PNMA2: variants seen among roughly 807,000 people sequenced by gnomAD.
PNMA2 encodes the protein paraneoplastic antigen Ma2.
For missense variants in PNMA2, 455 were observed against 452.9 expected (o/e 1.00, Z -0.04); for synonymous variants, 175 against 183.5 (o/e 0.95, Z 0.38).
rs911135653 is a variant in PNMA2 at position 26,509,470 on chromosome 8, A to C, written c.-489+78T>G. ...CATATGCTCATCAGACCTGTTGATTAATGTCTGAGCCCCAGTTAAGGACAG... is the reference window on the plus strand; with the variant it reads ...CATATGCTCATCAGACCTGTTGATTCATGTCTGAGCCCCAGTTAAGGACAG... On this transcript the variant is annotated intron_variant, in intron 2 of 2. Coordinates refer to ENST00000522362, the MANE Select transcript of PNMA2 (RefSeq NM_007257.6). The surrounding 1 kb of genome is among the most constrained non-coding windows in gnomAD (Gnocchi z 5.7). 2 of 152,200 alleles carry C rather than the reference A, an allele frequency of 1.3e-5. No individual in the cohort carries two copies. Among genetic ancestry groups the C allele is most frequent in the African/African-American group, 4.8e-5 (2 of 41,440 alleles). The allele number at this position is 152,200 out of a possible 1,614,324, so 9.4% of individuals were successfully genotyped here. A position where few individuals can be genotyped will look rare whatever the true frequency, so the allele number is the denominator to read the frequency against.
Position 26,507,675 on chromosome 8 carries a change from CAT to C in PNMA2, c.1079_1080del (p.His360ArgfsTer18). 6.4e-7 allele frequency: 1 copy of C among 1,555,790 alleles called. No individual in the cohort carries two copies. The highest frequency in any genetic ancestry group is 8.7e-7 in the Non-Finnish European group (1 of 1,153,410). Reference sequence around the variant, plus strand: ...CCAGGTGGTTTTCAGTCGTCTCCCTCATGATTCCAGCGGCCATAGCCATCTCG... The same window carrying C: ...CCAGGTGGTTTTCAGTCGTCTCCCTCGATTCCAGCGGCCATAGCCATCTCG... Reference protein sequence around the residue: ...EERDGYGRWNHEGDD With the variant: ...EERDGYGRWNXEGDD On this transcript the variant is annotated frameshift_variant, in exon 3 of 3. Transcript: ENST00000522362. LOFTEE classifies it high-confidence loss of function.
chr8:26,508,660 C>T lies in PNMA2; in HGVS notation c.96G>A (p.Glu32=). Residue 32 remains glutamate, a synonymous_variant, in exon 3 of 3, where the codon GAG becomes GAA. Transcript: ENST00000522362. The surrounding 1 kb of genome is among the most constrained non-coding windows in gnomAD (Gnocchi z 5.5). The part of the protein sequence containing the change: ...MVTGIPADFE[E]AEIQEVLQET... ...CCTGAAGGACCTCCTGAATCTCAGC[C>T]TCCTCAAAGTCCGCCGGTATCCCCG... The T allele has an allele frequency of 3.7e-6, 6 of 1,614,192 alleles. No homozygotes were observed. The highest frequency in any genetic ancestry group is 1.7e-5 in the Admixed American group (1 of 60,030).
In PNMA2 at chr8:26,505,354, G is replaced by A. The variant is rs1808029712; in HGVS notation, c.*2307C>T. 2 of 166,920 alleles carry A rather than the reference G, an allele frequency of 1.2e-5. No individual in the cohort carries two copies. The highest frequency in any genetic ancestry group is 1.3e-4 in the South Asian group (1 of 7,762). 10.3% of individuals were successfully genotyped at this position (166,920 alleles called of 1,614,324 possible). ...AAGCTAAGCAATTTGCTTACAGTAT[G>A]CACAAATCTACCACAAGACTACACA... On this transcript the variant is annotated 3_prime_UTR_variant, in exon 3 of 3. Coordinates refer to ENST00000522362, the MANE Select transcript of PNMA2 (RefSeq NM_007257.6).
intron 1 of PNMA2, among the ~76,000 whole-genome samples, chr8:26,511,142 ACT>A (rs1351718576): frequency 8.6e-6 from 1 of 116,908 alleles, no homozygotes; most frequent in Non-Finnish European, 1.7e-5. Context: ...ACAGAGCAAG[ACT>A]CTGTCTCAAA....
chr8:26,506,017 A>T lies in PNMA2; in HGVS notation c.*1644T>A, dbSNP rs1808040792. ...AATAATACTAATAATAATTAAAAAAATAAAGAGTTTAAAACACATTTTGGA... is the reference window on the plus strand; with the variant it reads ...AATAATACTAATAATAATTAAAAAATTAAAGAGTTTAAAACACATTTTGGA... On this transcript the variant is annotated 3_prime_UTR_variant, in exon 3 of 3. Transcript: ENST00000522362. The surrounding 1 kb of genome is among the most constrained non-coding windows in gnomAD (Gnocchi z 4.4). 6.6e-6 allele frequency: 1 copy of T among 152,220 alleles called. No homozygotes were observed. The highest frequency in any genetic ancestry group is 2.1e-4 in the South Asian group (1 of 4,830). 9.4% of individuals were successfully genotyped at this position (152,220 alleles called of 1,614,324 possible).
In PNMA2 at chr8:26,506,596, AAACAACAACAACAATGAC is replaced by A. The variant is rs2075717813; in HGVS notation, c.*1047_*1064del. On this transcript the variant is annotated 3_prime_UTR_variant, in exon 3 of 3. Transcript: ENST00000522362. This position sits in a 1 kb window ranked among gnomAD's most constrained non-coding sequence, Gnocchi z 4.4. ...GGCAGGAAGAACACTTCCCAGGTTA[AAACAACAACAACAATGAC>A]AACAACAACAACAAAAATCTGCAGG... is the stretch of plus-strand genomic sequence containing the variant. 6.6e-6 allele frequency: 1 copy of A among 152,402 alleles called. No homozygotes were observed. Among genetic ancestry groups the A allele is most frequent in the African/African-American group, 2.4e-5 (1 of 41,478 alleles). 9.4% of individuals were successfully genotyped at this position (152,402 alleles called of 1,614,324 possible). A position where few individuals can be genotyped will look rare whatever the true frequency, so the allele number is the denominator to read the frequency against.
rs763521058 is a variant in PNMA2 at position 26,509,053 on chromosome 8, A to AT, written c.-299dup. On this transcript the variant is annotated 5_prime_UTR_variant, in exon 3 of 3. Transcript: ENST00000522362. The surrounding 1 kb of genome is among the most constrained non-coding windows in gnomAD (Gnocchi z 5.7). Reference sequence around the variant, plus strand: ...CAGCTCTGAAGTCCGATTGCCAGTGATTTTCTCAAAGATGCTGGCAGCCAC... The same window carrying AT: ...CAGCTCTGAAGTCCGATTGCCAGTGATTTTTCTCAAAGATGCTGGCAGCCAC... 6.3e-5 allele frequency: 29 copies of AT among 458,588 alleles called. No homozygotes were observed. Among genetic ancestry groups the AT allele is most frequent in the Non-Finnish European group, 8.8e-5 (26 of 294,060 alleles). The allele number at this position is 458,588 out of a possible 1,614,324, so 28.4% of individuals were successfully genotyped here.
chr8:26,508,163 G>T lies in PNMA2; in HGVS notation c.593C>A (p.Thr198Lys). ...CAGCCACCTTTTCTTTTCTGCCTCT[G>T]TTACTGGCCACTCTTTGACTATCTC... is the stretch of plus-strand genomic sequence containing the variant. ...ATEIVKEWPV[T>K]EAEKKRWLAE... The change falls in exon 3 of 3, where the codon ACA (threonine) becomes AAA (lysine). Residue 198 changes from threonine (T) to lysine (K), a missense_variant. Thr to Lys is a moderately conservative substitution (Grantham distance 78). Transcript: ENST00000522362. This position sits in a 1 kb window ranked among gnomAD's most constrained non-coding sequence, Gnocchi z 5.5. 6.2e-7 allele frequency: 1 copy of T among 1,614,196 alleles called. No individual in the cohort carries two copies. Among genetic ancestry groups the T allele is most frequent in the Non-Finnish European group, 8.5e-7 (1 of 1,180,036 alleles).
In PNMA2 at chr8:26,507,483, G is replaced by T. The variant is rs1021815425; in HGVS notation, c.*178C>A. On this transcript the variant is annotated 3_prime_UTR_variant, in exon 3 of 3. Coordinates refer to ENST00000522362, the MANE Select transcript of PNMA2 (RefSeq NM_007257.6). ...AGAAAAAAGGAAGGAAGGAAGGAAA[G>T]AGAGGAGAGGAGAGGAGAGAGGAGG... 2 of 495,636 alleles carry T rather than the reference G, an allele frequency of 4.0e-6. No homozygotes were observed. Among genetic ancestry groups the T allele is most frequent in the African/African-American group, 4.0e-5 (2 of 50,222 alleles). The allele number at this position is 495,636 out of a possible 1,614,324, so 30.7% of individuals were successfully genotyped here. A position where few individuals can be genotyped will look rare whatever the true frequency, so the allele number is the denominator to read the frequency against.
chr8:26,508,318 C>T lies in PNMA2; in HGVS notation c.438G>A (p.Leu146=), dbSNP rs1400722165. 12 of 1,610,736 alleles carry T rather than the reference C, an allele frequency of 7.5e-6. No homozygotes were observed. Among genetic ancestry groups the T allele is most frequent in the Non-Finnish European group, 1.0e-5 (12 of 1,178,080 alleles). The change falls in exon 3 of 3, where the codon TTG becomes TTA. Residue 146 remains leucine (L), a synonymous_variant. Coordinates refer to ENST00000522362, the MANE Select transcript of PNMA2 (RefSeq NM_007257.6). The surrounding 1 kb of genome is among the most constrained non-coding windows in gnomAD (Gnocchi z 5.5). ...CISPELLAHL[L]GQAMAHAPQP... is the part of the protein sequence containing the mutation. ...GAGGCGCATGTGCCATTGCCTGTCC[C>T]AACAAATGGGCCAGTAATTCTGGTG...
chr8:26,508,312 C>G lies in PNMA2; in HGVS notation c.444G>C (p.Gln148His). Residue 148 changes from glutamine (Q) to histidine (H), a missense_variant, in exon 3 of 3, where the codon CAG becomes CAC. Gln to His is a conservative substitution (Grantham distance 24, BLOSUM62 0). Transcript: ENST00000522362. This position sits in a 1 kb window ranked among gnomAD's most constrained non-coding sequence, Gnocchi z 5.5. The stretch of plus-strand genomic sequence containing the variant: ...GGGGCTGAGGCGCATGTGCCATTGC[C>G]TGTCCCAACAAATGGGCCAGTAATT... ...SPELLAHLLG[Q>H]AMAHAPQPLL... 2 of 1,609,646 alleles carry G rather than the reference C, an allele frequency of 1.2e-6. No homozygotes were observed. Among genetic ancestry groups the G allele is most frequent in the Non-Finnish European group, 1.7e-6 (2 of 1,177,572 alleles).
In PNMA2 at chr8:26,506,741, C is replaced by T. The variant is rs1424708363; in HGVS notation, c.*920G>A. 5 of 152,368 alleles carry T rather than the reference C, an allele frequency of 3.3e-5. No homozygotes were observed. The highest frequency in any genetic ancestry group is 3.9e-4 in the East Asian group (2 of 5,188). 9.4% of individuals were successfully genotyped at this position (152,368 alleles called of 1,614,324 possible). The stretch of plus-strand genomic sequence containing the variant: ...CTTTTACCTGTCTAGATCAGCTCCT[C>T]ATCTAGACTGGAACCTCTCTGAGGG... On this transcript the variant is annotated 3_prime_UTR_variant, in exon 3 of 3. Coordinates refer to ENST00000522362, the MANE Select transcript of PNMA2 (RefSeq NM_007257.6). This position sits in a 1 kb window ranked among gnomAD's most constrained non-coding sequence, Gnocchi z 4.4.
rs1030752659 is a variant in PNMA2, at chr8:26,508,834, A to T, written c.-79T>A. On this transcript the variant is annotated 5_prime_UTR_variant, in exon 3 of 3. Coordinates refer to ENST00000522362, the MANE Select transcript of PNMA2 (RefSeq NM_007257.6). The surrounding 1 kb of genome is among the most constrained non-coding windows in gnomAD (Gnocchi z 5.5). ...CAGCTATGCACTGACTTAATATTGA[A>T]AATATCCTGGATGAGCTTCTAACCT... 48 of 1,524,592 alleles carry T rather than the reference A, an allele frequency of 3.1e-5. No individual in the cohort carries two copies. The Middle Eastern group carries it at 7.1e-4, about 22-fold the overall frequency. 94.4% of individuals were successfully genotyped at this position (1,524,592 alleles called of 1,614,324 possible).
Position 26,507,186 on chromosome 8 carries a change from T to C in PNMA2, c.*475A>G, listed in dbSNP as rs915255575. 2.0e-5 allele frequency: 3 copies of C among 152,480 alleles called. No homozygotes were observed. The highest frequency in any genetic ancestry group is 7.2e-5 in the African/African-American group (3 of 41,454). 9.4% of individuals were successfully genotyped at this position (152,480 alleles called of 1,614,324 possible). ...GTTCATGCCTGTAATCCCAGCACTTTGGGAGGCCGAGTTGGGCACATCATT... is the reference window on the plus strand; with the variant it reads ...GTTCATGCCTGTAATCCCAGCACTTCGGGAGGCCGAGTTGGGCACATCATT... On this transcript the variant is annotated 3_prime_UTR_variant, in exon 3 of 3. Coordinates refer to ENST00000522362, the MANE Select transcript of PNMA2 (RefSeq NM_007257.6).
At position 26,508,624 on chromosome 8, in the gene PNMA2, CT is replaced by C; in HGVS notation, c.131del (p.Lys44SerfsTer24). The C allele has an allele frequency of 6.2e-7, 1 of 1,614,188 alleles. No individual in the cohort carries two copies. The highest frequency in any genetic ancestry group is 1.3e-5 in the African/African-American group (1 of 75,040). Reference protein sequence around the residue: ...EIQEVLQETLKSLGRYRLLGK... With the variant: ...EIQEVLQETLXSLGRYRLLGK... Reference sequence around the variant, plus strand: ...CAAGCAGTCTATACCTGCCCAGAGACTTTAAAGTCTCCTGAAGGACCTCCTG... The same window carrying C: ...CAAGCAGTCTATACCTGCCCAGAGACTTAAAGTCTCCTGAAGGACCTCCTG... On this transcript the variant is annotated frameshift_variant, in exon 3 of 3. Coordinates refer to ENST00000522362, the MANE Select transcript of PNMA2 (RefSeq NM_007257.6). LOFTEE classifies it high-confidence loss of function. This position sits in a 1 kb window ranked among gnomAD's most constrained non-coding sequence, Gnocchi z 5.5.
chr8:26,508,042 C>CT lies in PNMA2; in HGVS notation c.713dup (p.Gln239AlafsTer67). ...GGCTCTCTAGGCTCCCAAACACTTGCTTAAAGGCCTCCAAACACTCTTCTA... is the reference window on the plus strand; with the variant it reads ...GGCTCTCTAGGCTCCCAAACACTTGCTTTAAAGGCCTCCAAACACTCTTCTA... On this transcript the variant is annotated frameshift_variant, in exon 3 of 3. Transcript: ENST00000522362. LOFTEE classifies it low-confidence loss of function (END_TRUNC). The surrounding 1 kb of genome is among the most constrained non-coding windows in gnomAD (Gnocchi z 5.5). 1 of 1,614,256 alleles carries CT rather than the reference C, an allele frequency of 6.2e-7. No individual in the cohort carries two copies. The highest frequency in any genetic ancestry group is 8.5e-7 in the Non-Finnish European group (1 of 1,180,048).
In PNMA2 at chr8:26,505,355, C is replaced by A. The variant is rs141309385; in HGVS notation, c.*2306G>T. 1.8e-3 allele frequency: 297 copies of A among 166,528 alleles called. 1 individual carries two copies. The highest frequency in any genetic ancestry group is 6.7e-3 in the African/African-American group (281 of 42,116). The allele number at this position is 166,528 out of a possible 1,614,324, so 10.3% of individuals were successfully genotyped here. A position where few individuals can be genotyped will look rare whatever the true frequency, so the allele number is the denominator to read the frequency against. ...AGCTAAGCAATTTGCTTACAGTATG[C>A]ACAAATCTACCACAAGACTACACAT... On this transcript the variant is annotated 3_prime_UTR_variant, in exon 3 of 3. Transcript: ENST00000522362.
chr8:26,510,330 T>C (rs2117582686), intron 1 of PNMA2, among the ~76,000 whole-genome samples: 1 of 152,360 alleles, frequency 6.6e-6, no homozygotes, highest in South Asian at 2.1e-4. Context: ...TGCAGAACTG[T>C]GACCCAAATA....
Position 26,507,919 on chromosome 8 carries a change from C to T in PNMA2, c.837G>A (p.Ala279=). ...VLRLETLLRR[A]VEKRAIPRRI... ...GCCGAGGGATGGCGCGTTTCTCCACCGCTCTCCGGAGCAGGGTTTCTAGCC... is the reference window on the plus strand; with the variant it reads ...GCCGAGGGATGGCGCGTTTCTCCACTGCTCTCCGGAGCAGGGTTTCTAGCC... The change falls in exon 3 of 3, where the codon GCG becomes GCA. Residue 279 remains alanine (A), a synonymous_variant. Coordinates refer to ENST00000522362, the MANE Select transcript of PNMA2 (RefSeq NM_007257.6). The T allele has an allele frequency of 1.2e-6, 2 of 1,614,126 alleles. No homozygotes were observed. Among genetic ancestry groups the T allele is most frequent in the Non-Finnish European group, 1.7e-6 (2 of 1,180,044 alleles).
Sources: gnomAD v4.1 joint callset for allele counts (sites outside exome capture counted in the v4.1 genomes callset) on GRCh38, gnomAD v4.1.1 for gene constraint, Gnocchi (gnomAD v3.1) non-coding constraint, MANE v1.5 for transcripts, NCBI Gene and HGNC (gene_info 2026-07-23, HGNC 2026-07-21) for gene names.